SND1: variants seen among roughly 807,000 people sequenced by gnomAD.
SND1 encodes staphylococcal nuclease domain-containing protein 1.
SND1 carries 38 observed loss-of-function variants against 121.7 expected under a neutral mutation model. That is an observed-to-expected ratio of 0.31 (90% CI 0.24 to 0.41). The LOEUF (loss-of-function observed/expected upper bound fraction) is 0.41, where lower values mean the gene tolerates loss of function less well. Ranked by LOEUF, SND1 falls within the 10% of genes least tolerant of loss-of-function variation. SND1 has a pLI of 1.00. For synonymous variants in SND1, 401 were observed against 447.4 expected, an observed-to-expected ratio of 0.90 and a Z score of 1.31; for missense variants, 868 against 1,184.6, an observed-to-expected ratio of 0.73 and a Z score of 3.92.
At chr7:128,081,759 C>T (rs948677789) in intron 18 of SND1, 14 of 632,754 alleles carry the variant, frequency 2.2e-5, no homozygotes, top group Admixed American at 3.8e-5. Context: ...GTCCTCTGGA[C>T]GCAGGTGAGA....
chr7:127,897,439 A>G (rs1800142795), intron 13 of SND1, among the ~76,000 whole-genome samples: 1 of 152,184 alleles, frequency 6.6e-6, no homozygotes, highest in African/African-American at 2.4e-5. Context: ...ACAAAAACAC[A>G]GGATCTAGTG....
intron 16 of SND1, among the ~76,000 whole-genome samples, chr7:128,041,896 T>C (rs1478809050): frequency 2.0e-5 from 3 of 152,216 alleles, no homozygotes; most frequent in Non-Finnish European, 4.4e-5. Flanking sequence ...CAGGGTGTTC[T>C]GGGGAACCTT....
chr7:127,829,734 G>C (rs946958205), intron 11 of SND1, among the ~76,000 whole-genome samples: 1 of 152,194 alleles, frequency 6.6e-6, no homozygotes, highest in African/African-American at 2.4e-5. Flanking sequence ...GAAGTCTGCT[G>C]TATACTTCAG....
At chr7:128,036,118 T>C (rs1012298180) in intron 16 of SND1, among the ~76,000 whole-genome samples, 5 of 152,292 alleles carry the variant, frequency 3.3e-5, no homozygotes, top group Middle Eastern at 6.8e-3. Flanking sequence ...AGGAAAGATA[T>C]CAATTGGTGA....
At chr7:127,914,839 C>T (rs1800538307) in intron 14 of SND1, among the ~76,000 whole-genome samples, 1 of 152,180 alleles carries the variant, frequency 6.6e-6, no homozygotes, top group Non-Finnish European at 1.5e-5. Context: ...TGCTTATTAC[C>T]TTGACGCCTT....
chr7:127,998,017 T>A (rs545579274), intron 16 of SND1: 1 of 525,010 alleles, frequency 1.9e-6, no homozygotes, highest in South Asian at 1.4e-5. Context: ...CCCAAGTCTC[T>A]CCCCACTAGC....
At chr7:127,750,163 C>T (rs1267517634) in intron 10 of SND1, among the ~76,000 whole-genome samples, 6 of 152,128 alleles carry the variant, frequency 3.9e-5, no homozygotes, top group Admixed American at 6.5e-5. Context: ...AAGTTTTGTA[C>T]GGCAACAGCA....
chr7:127,884,762 G>A lies in SND1; in HGVS notation c.1344-3140G>A, dbSNP rs532441644. Among the ~76,000 whole-genome samples the A allele has an allele frequency of 1.3e-4, 20 of 152,060 alleles. No individual in the cohort carries two copies. In the South Asian group the frequency reaches 2.1e-3, roughly 16 times the overall value. On this transcript the variant is annotated intron_variant, in intron 12 of 23. Coordinates refer to ENST00000354725, the MANE Select transcript of SND1 (RefSeq NM_014390.4). ...TTGCACATCTAATCCTTCTTGGCAC[G>A]TGCCTCTTATAGAACCTGAACCAAC...
chr7:127,791,515 A>C (rs1168413552), intron 10 of SND1, among the ~76,000 whole-genome samples: 1 of 152,104 alleles, frequency 6.6e-6, no homozygotes, highest in Non-Finnish European at 1.5e-5. Flanking sequence ...CACCATTTTT[A>C]TTTACAGCTC....
intron 18 of SND1, chr7:128,081,732 G>A (rs1348188847): frequency 1.6e-6 from 1 of 632,292 alleles, no homozygotes; most frequent in Non-Finnish European, 3.0e-6. Flanking sequence ...CTCAGGCATG[G>A]AGGTGCTGCC....
At chr7:127,720,447 G>A (rs1007812141) in intron 9 of SND1, among the ~76,000 whole-genome samples, 8 of 152,256 alleles carry the variant, frequency 5.3e-5, no homozygotes, top group African/African-American at 1.9e-4. Flanking sequence ...ATTGTAGACT[G>A]CTGGCTGTAT....
chr7:127,715,830 A>T (rs1796378650), intron 9 of SND1, among the ~76,000 whole-genome samples: 1 of 152,108 alleles, frequency 6.6e-6, no homozygotes, highest in South Asian at 2.1e-4. Flanking sequence ...TTCTGCTAAG[A>T]GTTTTGTAGT....
rs531897517 is a variant in SND1 at position 127,817,613 on chromosome 7, T to G, written c.1242+10040T>G. Reference sequence around the variant, plus strand: ...TGTAACTTCAAGTGAGCATCTTGCTTCCATTTCCAGTCTGACTTCTGGCAT... The same window carrying G: ...TGTAACTTCAAGTGAGCATCTTGCTGCCATTTCCAGTCTGACTTCTGGCAT... On this transcript the variant is annotated intron_variant, in intron 11 of 23. Transcript: ENST00000354725. Among the ~76,000 whole-genome samples, 3 of 152,254 alleles carry G rather than the reference T, an allele frequency of 2.0e-5. No homozygotes were observed. In the East Asian group the frequency reaches 5.8e-4, roughly 29 times the overall value.
chr7:127,668,114 C>T (rs1016834819), intron 1 of SND1, among the ~76,000 whole-genome samples: 1 of 152,202 alleles, frequency 6.6e-6, no homozygotes, highest in Non-Finnish European at 1.5e-5. Flanking sequence ...GAACAGTAGT[C>T]ACCTGAGAAC....
intron 14 of SND1, among the ~76,000 whole-genome samples, chr7:127,918,244 T>C (rs1800628308): frequency 1.3e-5 from 2 of 151,424 alleles, no homozygotes; most frequent in African/African-American, 4.8e-5. Context: ...TTTTTTTTTT[T>C]CAGTAGAGAA....
intron 9 of SND1, among the ~76,000 whole-genome samples, chr7:127,714,721 A>G (rs895575404): frequency 2.6e-5 from 4 of 152,240 alleles, no homozygotes; most frequent in African/African-American, 9.6e-5. Context: ...TACTCTAAGT[A>G]ATTCATATAA....
At chr7:127,716,945 G>A (rs1016566108) in intron 9 of SND1, among the ~76,000 whole-genome samples, 1 of 152,218 alleles carries the variant, frequency 6.6e-6, no homozygotes, top group African/African-American at 2.4e-5. Flanking sequence ...AACCAAAAAG[G>A]GATCAAGACT....
intron 2 of SND1, among the ~76,000 whole-genome samples, chr7:127,694,337 T>G (rs563921071): frequency 6.6e-6 from 1 of 152,198 alleles, no homozygotes; most frequent in Non-Finnish European, 1.5e-5. Context: ...TGAAACTGTT[T>G]TAGAAACTGG....
At chr7:127,927,465 G>A (rs915259514) in intron 14 of SND1, among the ~76,000 whole-genome samples, 2 of 152,182 alleles carry the variant, frequency 1.3e-5, no homozygotes, top group Non-Finnish European at 2.9e-5. Flanking sequence ...TTCCCATGGA[G>A]CATTTATCTT....
Sources: allele counts gnomAD v4.1 joint callset (sites outside exome capture counted in the v4.1 genomes callset), GRCh38; gene constraint gnomAD v4.1.1; transcripts MANE v1.5; gene names NCBI Gene and HGNC (gene_info 2026-07-23, HGNC 2026-07-21).